CDH17: variants seen among roughly 807,000 people sequenced by gnomAD.
CDH17 encodes the protein cadherin 17, also known as cadherin-17.
A neutral mutation model predicts 86.3 loss-of-function variants in CDH17; 67 were observed. That is an observed-to-expected ratio of 0.78 (90% CI 0.64 to 0.95). CDH17 has a LOEUF of 0.95. Ranked by LOEUF, CDH17 falls within the 40% of genes least tolerant of loss-of-function variation. CDH17 has a pLI of 0.00. For synonymous variants in CDH17, 367 were observed against 366.4 expected, an observed-to-expected ratio of 1.00 and a Z score of -0.02; for missense variants, 993 against 1,017.6, an observed-to-expected ratio of 0.98 and a Z score of 0.33.
chr8:94,161,968 C>G (rs949377529), intron 11 of CDH17, 118 bp downstream of exon 11: 1 of 654,012 alleles, frequency 1.5e-6, no homozygotes. Context: ...GTGCACTGAC[C>G]AAGGTTACCT....
chr8:94,145,638 C>G (rs1414002834), intron 15 of CDH17, among the ~76,000 whole-genome samples: 1 of 152,060 alleles, frequency 6.6e-6, no homozygotes, highest in Non-Finnish European at 1.5e-5. Context: ...TAAAAAATTT[C>G]TATAAAATCT....
At chr8:94,138,953 T>C (rs1382670494) in intron 15 of CDH17, among the ~76,000 whole-genome samples, 1 of 152,190 alleles carries the variant, frequency 6.6e-6, no homozygotes, top group Non-Finnish European at 1.5e-5. Context: ...AGCATCTAAA[T>C]GTCTGGCATT....
intron 1 of CDH17, among the ~76,000 whole-genome samples, chr8:94,197,065 G>C (rs1425852493): frequency 6.6e-6 from 1 of 152,088 alleles, no homozygotes; most frequent in African/African-American, 2.4e-5. Flanking sequence ...AGACCCACTC[G>C]GGCACCCCCC....
At chr8:94,198,131 TACAA>T in intron 1 of CDH17, among the ~76,000 whole-genome samples, 1 of 152,120 alleles carries the variant, frequency 6.6e-6, no homozygotes, top group Non-Finnish European at 1.5e-5. Context: ...TGTAGAGATA[TACAA>T]ATATCATGTA....
intron 9 of CDH17, among the ~76,000 whole-genome samples, chr8:94,168,302 T>TTG (rs550778630): frequency 6.3e-5 from 1 of 15,936 alleles, no homozygotes; most frequent in Non-Finnish European, 2.1e-4. Context: ...ATTTTTGCAG[T>TTG]TTTTTTTTTT....
rs1272967281 is a variant in CDH17, at chr8:94,214,151, C to CAAAAAA, written c.-21+3046_-21+3047insTTTTTT. ...TACTGTTTTAATTCTCCAAAACATA[C>CAAAAAA]GCCTCCTAGAACACTACCCCTTCAT... On this transcript the variant is annotated intron_variant, in intron 1 of 17. Transcript: ENST00000450165. Among the ~76,000 whole-genome samples the CAAAAAA allele has an allele frequency of 1.1e-3, 173 of 152,306 alleles. 1 individual carries two copies. The highest frequency in any genetic ancestry group is 4.0e-3 in the African/African-American group (166 of 41,562).
At chr8:94,153,729 G>T (rs905414033) in intron 12 of CDH17, among the ~76,000 whole-genome samples, 3 of 152,092 alleles carry the variant, frequency 2.0e-5, no homozygotes, top group African/African-American at 7.2e-5. Flanking sequence ...AAAAAGGAAG[G>T]AAGTTCCATC....
rs997302325 is a variant in CDH17 at position 94,147,747 on chromosome 8, A to G, written c.1927+997T>C. 3.3e-5 allele frequency among the ~76,000 whole-genome samples: 5 copies of G among 152,366 alleles called. No homozygotes were observed. In the South Asian group the frequency reaches 1.0e-3, roughly 32 times the overall value. ...TTTTAAAAAAGTTCTCTGGAACTCC[A>G]CAGTTGGAGCCAGCAGGCAATATAT... is the stretch of plus-strand genomic sequence containing the variant. On this transcript the variant is annotated intron_variant, in intron 14 of 17. Coordinates refer to ENST00000027335, the MANE Select transcript of CDH17 (RefSeq NM_004063.4).
intron 2 of CDH17, among the ~76,000 whole-genome samples, chr8:94,190,313 G>A (rs1478781760): frequency 6.6e-6 from 1 of 152,200 alleles, no homozygotes; most frequent in Non-Finnish European, 1.5e-5. Flanking sequence ...AGGCAACCTG[G>A]AGGGAAAACT....
In CDH17 at chr8:94,148,763, T is replaced by G; in HGVS notation, c.1908A>C (p.Gln636His). 1 of 1,529,168 alleles carries G rather than the reference T, an allele frequency of 6.5e-7. No homozygotes were observed. Among genetic ancestry groups the G allele is most frequent in the South Asian group, 1.2e-5 (1 of 84,204 alleles). 94.7% of individuals were successfully genotyped at this position (1,529,168 alleles called of 1,614,324 possible). The change falls in exon 14 of 18, where the codon CAA becomes CAC. Residue 636 changes from glutamine to histidine, a missense_variant. Physicochemically the swap from Gln to His is conservative, Grantham distance 24. Coordinates refer to ENST00000027335, the MANE Select transcript of CDH17 (RefSeq NM_004063.4). Reference sequence around the variant, plus strand: ...GCTTACCTACTTCTGTGGCCACCACTTGTACCCGATATGGACTTCCGGCTT... The same window carrying G: ...GCTTACCTACTTCTGTGGCCACCACGTGTACCCGATATGGACTTCCGGCTT... The part of the protein sequence containing the change: ...DREAGSPYRV[Q>H]VVATEVGGSS...
chr8:94,148,721 G>GTTT (rs151133817), intron 14 of CDH17, 23 bp downstream of exon 14: 217 of 1,122,588 alleles, frequency 1.9e-4, no homozygotes, highest in South Asian at 5.1e-4. Context: ...CTTTTTTTTT[G>GTTT]TTTTTTTTTT....
intron 15 of CDH17, among the ~76,000 whole-genome samples, chr8:94,133,180 G>T (rs1338413301): frequency 6.6e-6 from 1 of 152,084 alleles, no homozygotes; most frequent in Non-Finnish European, 1.5e-5. Context: ...GAACTTTACA[G>T]TTTTTTCTAA....
intron 15 of CDH17, among the ~76,000 whole-genome samples, chr8:94,141,612 A>G (rs1812639922): frequency 6.6e-6 from 1 of 152,194 alleles, no homozygotes; most frequent in South Asian, 2.1e-4. Flanking sequence ...TTATATTCCT[A>G]TATCTAGAAA....
chr8:94,193,916 G>A (rs1813732644), intron 2 of CDH17, among the ~76,000 whole-genome samples: 1 of 150,306 alleles, frequency 6.7e-6, no homozygotes, highest in African/African-American at 2.4e-5. Flanking sequence ...TTTGAGGTAT[G>A]AGGATCTAGA....
intron 10 of CDH17, among the ~76,000 whole-genome samples, chr8:94,162,403 G>A (rs989154840): frequency 5.3e-5 from 8 of 152,114 alleles, no homozygotes; most frequent in African/African-American, 9.7e-5. Flanking sequence ...TTTCATTGCC[G>A]TCCACCTGCT....
chr8:94,165,704 C>G lies in CDH17; in HGVS notation c.1282+57G>C, dbSNP rs73266249. 42,815 of 1,166,326 alleles carry G rather than the reference C, an allele frequency of 0.037. 7,311 individuals are homozygous for G. The African/African-American group carries it at 0.45, about 12-fold the overall frequency. 72.2% of individuals were successfully genotyped at this position (1,166,326 alleles called of 1,614,324 possible). On this transcript the variant is annotated intron_variant, in intron 10 of 17. Coordinates refer to ENST00000027335, the MANE Select transcript of CDH17 (RefSeq NM_004063.4). ...ACCAGACATTAGCGCAGGAAAATAA[C>G]TCATAGCTAGAAGGAAAACAATGAT...
intron 12 of CDH17, among the ~76,000 whole-genome samples, chr8:94,155,381 C>G (rs1285356079): frequency 6.6e-6 from 1 of 151,904 alleles, no homozygotes; most frequent in African/African-American, 2.4e-5. Context: ...GCAGCAGCCC[C>G]CAGAATGAGC....
chr8:94,163,083 T>C (rs1242740801), intron 10 of CDH17, among the ~76,000 whole-genome samples: 2 of 152,226 alleles, frequency 1.3e-5, no homozygotes, highest in Admixed American at 6.5e-5. Context: ...ATAATACAGT[T>C]GTTAGCGGCC....
chr8:94,147,412 A>G lies in CDH17; in HGVS notation c.1928-1245T>C, dbSNP rs1316732914. Reference sequence around the variant, plus strand: ...TGTTTTTCTTAATCTTTCCACATGCAGGGGCCGTTTTTATGATTCCTGTCT... The same window carrying G: ...TGTTTTTCTTAATCTTTCCACATGCGGGGGCCGTTTTTATGATTCCTGTCT... On this transcript the variant is annotated intron_variant, in intron 14 of 17. Transcript: ENST00000027335. Among the ~76,000 whole-genome samples the G allele has an allele frequency of 3.3e-5, 5 of 152,282 alleles. No homozygotes were observed. In the East Asian group the frequency reaches 9.6e-4, roughly 29 times the overall value.
Sources: allele counts gnomAD v4.1 joint callset (sites outside exome capture counted in the v4.1 genomes callset), GRCh38; gene constraint gnomAD v4.1.1; transcripts MANE v1.5; gene names NCBI Gene and HGNC (gene_info 2026-07-23, HGNC 2026-07-21).